The following ITGA9 variants were observed in gnomAD, a reference collection of about 807,000 sequenced individuals.
ITGA9 encodes integrin subunit alpha 9, also known as integrin alpha-9.
Under a neutral mutation model 127.8 loss-of-function variants are expected in ITGA9, and 56 were observed. The observed-to-expected ratio is 0.44, with a 90% CI of 0.35 to 0.55. ITGA9 has a LOEUF of 0.55. ITGA9 is among the 20% of genes least tolerant of loss of function. The pLI, the probability that ITGA9 is intolerant of heterozygous loss-of-function variation, is 0.00. For synonymous variants in ITGA9, 508 were observed against 514.5 expected, an observed-to-expected ratio of 0.99 and a Z score of 0.17; for missense variants, 1,196 against 1,347.1, an observed-to-expected ratio of 0.89 and a Z score of 1.76.
intron 1 of ITGA9, among the ~76,000 whole-genome samples, chr3:37,456,419 A>G (rs1412192660): frequency 1.3e-5 from 2 of 152,156 alleles, no homozygotes; most frequent in Non-Finnish European, 2.9e-5. Context: ...TCCTTTAGAC[A>G]TGGACCGGTT....
chr3:37,508,116 CA>C (rs1175554749), intron 7 of ITGA9, among the ~76,000 whole-genome samples: 1 of 152,222 alleles, frequency 6.6e-6, no homozygotes, highest in Non-Finnish European at 1.5e-5. Flanking sequence ...GCTTTGTCTA[CA>C]GTACTCATCT....
chr3:37,609,790 C>T (rs1700000317), intron 15 of ITGA9, among the ~76,000 whole-genome samples: 1 of 152,180 alleles, frequency 6.6e-6, no homozygotes, highest in African/African-American at 2.4e-5. Context: ...CTTCTTCATT[C>T]ACATGCCTGT....
intron 2 of ITGA9, among the ~76,000 whole-genome samples, chr3:37,473,087 T>A (rs1444231388): frequency 5.5e-5 from 7 of 128,078 alleles, no homozygotes; most frequent in African/African-American, 2.2e-4. Context: ...TGCAATGAGC[T>A]GAGATCGTGC....
At chr3:37,664,549 T>C (rs910872476) in intron 17 of ITGA9, among the ~76,000 whole-genome samples, 1 of 151,020 alleles carries the variant, frequency 6.6e-6, no homozygotes, top group African/African-American at 2.4e-5. Context: ...GCCTCCCGAG[T>C]AGCTGGTGTT....
chr3:37,548,409 T>C (rs1391990725), intron 15 of ITGA9, among the ~76,000 whole-genome samples: 2 of 152,210 alleles, frequency 1.3e-5, no homozygotes, highest in Non-Finnish European at 2.9e-5. Flanking sequence ...TTATTAAAAC[T>C]TAACAGAGTG....
At chr3:37,522,397 A>G (rs987338462) in intron 11 of ITGA9, among the ~76,000 whole-genome samples, 6 of 152,230 alleles carry the variant, frequency 3.9e-5, no homozygotes, top group African/African-American at 1.4e-4. Flanking sequence ...TTGTTGAATC[A>G]GTGCTGCCTG....
At chr3:37,613,958 C>G (rs938908403) in intron 15 of ITGA9, among the ~76,000 whole-genome samples, 34 of 152,314 alleles carry the variant, frequency 2.2e-4, no homozygotes, top group Admixed American at 2.2e-3. Context: ...TGCAGAAGCT[C>G]TTTAGTTCAA....
chr3:37,818,825 C>T (rs1039593065), intron 27 of ITGA9, 66 bp from the exon 28 acceptor site: 2 of 1,241,302 alleles, frequency 1.6e-6, no homozygotes, highest in African/African-American at 1.5e-5. Context: ...GACAGACTGC[C>T]TTGGGGTCAC....
chr3:37,742,243 A>T (rs1159584971), intron 21 of ITGA9, among the ~76,000 whole-genome samples: 1 of 152,216 alleles, frequency 6.6e-6, no homozygotes, highest in Non-Finnish European at 1.5e-5. Context: ...CCTGGCTCAC[A>T]GGAGGACCAC....
chr3:37,759,196 A>C (rs1009457029), intron 23 of ITGA9, among the ~76,000 whole-genome samples: 4 of 152,086 alleles, frequency 2.6e-5, no homozygotes, highest in African/African-American at 9.7e-5. Flanking sequence ...GACTCCAGAG[A>C]CTATGTCTAG....
intron 26 of ITGA9, among the ~76,000 whole-genome samples, chr3:37,796,251 T>C (rs1314555378): frequency 6.6e-6 from 1 of 152,076 alleles, no homozygotes; most frequent in Admixed American, 6.6e-5. Context: ...GGGAACTCTG[T>C]TCACTCCCAT....
rs754054839 is a variant in ITGA9, at chr3:37,821,765, G to C, written c.*2776G>C. On this transcript the variant is annotated 3_prime_UTR_variant, in exon 28 of 28. Transcript: ENST00000264741. ...CTGCGTGGGTGGACCCACATGAGCA[G>C]CTGTATACCCAGGAGGTCACTAAGA... 2 of 151,868 alleles carry C rather than the reference G, an allele frequency of 1.3e-5. No individual in the cohort carries two copies. The highest frequency in any genetic ancestry group is 2.9e-5 in the Non-Finnish European group (2 of 67,996). 9.4% of individuals were successfully genotyped at this position (151,868 alleles called of 1,614,324 possible). A position where few individuals can be genotyped will look rare whatever the true frequency, so the allele number is the denominator to read the frequency against.
At chr3:37,630,554 G>C (rs138102071) in intron 16 of ITGA9, among the ~76,000 whole-genome samples, 515 of 152,298 alleles carry the variant, frequency 3.4e-3, no homozygotes, top group Non-Finnish European at 4.9e-3. Flanking sequence ...ACTGGCTGTG[G>C]GGGGGAAGGG....
chr3:37,751,827 A>G (rs746936226), intron 23 of ITGA9, among the ~76,000 whole-genome samples: 1 of 152,078 alleles, frequency 6.6e-6, no homozygotes, highest in Non-Finnish European at 1.5e-5. Context: ...TTTCAAAACT[A>G]TATTTAGAAT....
chr3:37,545,400 G>C (rs1337049257), intron 15 of ITGA9, among the ~76,000 whole-genome samples: 1 of 151,812 alleles, frequency 6.6e-6, no homozygotes, highest in African/African-American at 2.4e-5. Context: ...TTCCCTGGAA[G>C]TTTTCTTGCC....
rs75735821 is a variant in ITGA9, at chr3:37,600,657, C to A, written c.1690-28530C>A. 2.5e-3 allele frequency among the ~76,000 whole-genome samples: 378 copies of A among 152,306 alleles called. 4 individuals carry two copies. Among genetic ancestry groups the A allele is most frequent in the Admixed American group, 0.017 (253 of 15,302 alleles). On this transcript the variant is annotated intron_variant, in intron 15 of 27. Transcript: ENST00000264741. ...CCCTTACGGATGCCTCCCTTCCCTT[C>A]ATGACTCACTGTGATCTACAACTCC...
intron 1 of ITGA9, among the ~76,000 whole-genome samples, chr3:37,458,370 G>T (rs989692739): frequency 6.6e-6 from 1 of 152,228 alleles, no homozygotes; most frequent in Admixed American, 6.5e-5. Context: ...GGTATTGCCT[G>T]TGAAAGACAA....
At chr3:37,741,601 A>T in intron 20 of ITGA9, 129 bp from the exon 21 acceptor site, 1 of 743,124 alleles carries the variant, frequency 1.3e-6, no homozygotes, top group Admixed American at 2.0e-5. Flanking sequence ...CCAAAAACAG[A>T]CTGAAGGCAA....
chr3:37,456,068 G>A (rs1203528608), intron 1 of ITGA9, among the ~76,000 whole-genome samples: 1 of 152,096 alleles, frequency 6.6e-6, no homozygotes, highest in Non-Finnish European at 1.5e-5. Context: ...ACTGAACCCA[G>A]CTCTGTAGCC....
Sources: gnomAD v4.1 joint callset for allele counts (sites outside exome capture counted in the v4.1 genomes callset) on GRCh38, gnomAD v4.1.1 for gene constraint, MANE v1.5 for transcripts, NCBI Gene and HGNC (gene_info 2026-07-23, HGNC 2026-07-21) for gene names.